Variants in AGMO observed in about 807,000 individuals in gnomAD.
The protein encoded by AGMO is glyceryl-ether monooxygenase.
Under a neutral mutation model 60.2 loss-of-function variants are expected in AGMO, and 75 were observed. The observed-to-expected ratio is 1.25, with a 90% CI of 1.03 to 1.51. AGMO has a LOEUF of 1.51. Ranked by LOEUF, AGMO falls within the 40% of genes most tolerant of loss-of-function variation. AGMO has a pLI of 0.00. For synonymous variants in AGMO, 261 were observed against 177.1 expected, an observed-to-expected ratio of 1.47 and a Z score of -3.76; for missense variants, 763 against 525.5, an observed-to-expected ratio of 1.45 and a Z score of -4.42.
the AGMO span, among the ~76,000 whole-genome samples, chr7:15,135,622 C>T: frequency 6.6e-6 from 1 of 152,000 alleles, no homozygotes; most frequent in Non-Finnish European, 1.5e-5. Flanking sequence ...ATAATAAAAA[C>T]TTAGGATAAG....
At chr7:15,136,104 C>G in the AGMO span, among the ~76,000 whole-genome samples, 6 of 151,078 alleles carry the variant, frequency 4.0e-5, no homozygotes, top group Admixed American at 4.0e-4. Context: ...AGCGATTCTC[C>G]TGCCTCAGCC....
intron 12 of AGMO, among the ~76,000 whole-genome samples, chr7:15,211,944 T>C (rs1376752622): frequency 2.0e-5 from 3 of 151,994 alleles, no homozygotes; most frequent in Non-Finnish European, 2.9e-5. Flanking sequence ...AATGCCATGA[T>C]ACATTTTTGG....
Position 15,201,353 on chromosome 7 carries a change from A to G in AGMO, c.1270T>C (p.Phe424Leu), listed in dbSNP as rs1441983324. The change falls in exon 13 of 13, where the codon TTT (phenylalanine) becomes CTT (leucine). Residue 424 changes from phenylalanine to leucine, a missense_variant. By Grantham distance (22) the Phe-to-Leu change is conservative. Coordinates refer to ENST00000342526, the MANE Select transcript of AGMO (RefSeq NM_001004320.2). Reference sequence around the variant, plus strand: ...CCCCAGAAAGCAATGCAAATGGAAAAAACAATCTGAAGAAATAAAACACAA... The same window carrying G: ...CCCCAGAAAGCAATGCAAATGGAAAGAACAATCTGAAGAAATAAAACACAA... ...PSLSSAFEIVFSICIAFWGVR... is the reference protein window; with the variant it reads ...PSLSSAFEIVLSICIAFWGVR... The G allele has an allele frequency of 6.2e-7, 1 of 1,611,512 alleles. No homozygotes were observed. The highest frequency in any genetic ancestry group is 8.5e-7 in the Non-Finnish European group (1 of 1,178,586).
chr7:15,275,584 A>C (rs1041902790), intron 12 of AGMO, among the ~76,000 whole-genome samples: 1 of 152,076 alleles, frequency 6.6e-6, no homozygotes, highest in African/African-American at 2.4e-5. Context: ...GTCCCCTTTA[A>C]GGTTATAATT....
At chr7:15,203,514 T>G (rs181086572) in intron 12 of AGMO, among the ~76,000 whole-genome samples, 1 of 152,174 alleles carries the variant, frequency 6.6e-6, no homozygotes, top group Non-Finnish European at 1.5e-5. Context: ...TTTGTTTTTT[T>G]TTTTGCTTGC....
intron 3 of AGMO, among the ~76,000 whole-genome samples, chr7:15,485,949 A>C (rs1782910098): frequency 6.6e-6 from 1 of 152,108 alleles, no homozygotes; most frequent in African/African-American, 2.4e-5. Flanking sequence ...ATTCAAGTGA[A>C]GTTCAATTAT....
chr7:15,544,018 TA>T (rs1467597551), intron 3 of AGMO, among the ~76,000 whole-genome samples: 2 of 151,990 alleles, frequency 1.3e-5, no homozygotes, highest in Non-Finnish European at 2.9e-5. Context: ...GGTATATATT[TA>T]GCATGGAATA....
chr7:15,213,735 T>C (rs1220276084), intron 12 of AGMO, among the ~76,000 whole-genome samples: 1 of 151,912 alleles, frequency 6.6e-6, no homozygotes, highest in Non-Finnish European at 1.5e-5. Flanking sequence ...CTTCCCAAAA[T>C]TTTACAAAGT....
chr7:15,203,497 CT>C (rs1270640833), intron 12 of AGMO, among the ~76,000 whole-genome samples: 10 of 147,920 alleles, frequency 6.8e-5, no homozygotes, highest in South Asian at 4.3e-4. Flanking sequence ...TTTTTCTTTT[CT>C]TTTTTTTTGT....
intron 12 of AGMO, among the ~76,000 whole-genome samples, chr7:15,323,626 C>T (rs764293751): frequency 2.6e-5 from 4 of 152,080 alleles, no homozygotes; most frequent in African/African-American, 4.8e-5. Context: ...GAAAATAACG[C>T]GCTGATTCTC....
intron 1 of AGMO, among the ~76,000 whole-genome samples, 177 bp downstream of exon 1, chr7:15,561,543 G>C (rs1785307285): frequency 6.6e-6 from 1 of 152,158 alleles, no homozygotes; most frequent in Non-Finnish European, 1.5e-5. Flanking sequence ...GCTATGGATT[G>C]TAAGAAAATT....
chr7:15,202,489 A>AAAAAAAAAAAAAAAAAAAAAAAAAAAC (rs1277846759), intron 12 of AGMO, among the ~76,000 whole-genome samples: 1 of 132,054 alleles, frequency 7.6e-6, no homozygotes, highest in African/African-American at 2.9e-5. Context: ...AAAAAAAAAA[A>AAAAAAAAAAAAAAAAAAAAAAAAAAAC]CCCTCCCAAA....
the AGMO span, among the ~76,000 whole-genome samples, chr7:15,117,557 A>T: frequency 6.6e-6 from 1 of 151,970 alleles, no homozygotes; most frequent in African/African-American, 2.4e-5. Context: ...GTTGAAAAAA[A>T]TTACCTACTG....
intron 12 of AGMO, among the ~76,000 whole-genome samples, chr7:15,244,167 T>A (rs2128503963): frequency 7.1e-6 from 1 of 140,832 alleles, no homozygotes; most frequent in South Asian, 2.3e-4. Context: ...ATATATAATT[T>A]AAATTTGTAC....
At chr7:15,177,116 TA>T in the AGMO span, among the ~76,000 whole-genome samples, 1,962 of 152,052 alleles carry the variant, frequency 0.013, 36 homozygotes, top group African/African-American at 0.042. Context: ...AAACATGATT[TA>T]AAAACATTTT....
chr7:15,398,299 T>C (rs1274507128), intron 5 of AGMO, among the ~76,000 whole-genome samples: 1 of 152,166 alleles, frequency 6.6e-6, no homozygotes, highest in Non-Finnish European at 1.5e-5. Flanking sequence ...AAGCTCTTTA[T>C]TGCGGTGAAA....
chr7:15,515,563 A>C (rs1256240199), intron 3 of AGMO, among the ~76,000 whole-genome samples: 1 of 152,264 alleles, frequency 6.6e-6, no homozygotes, highest in African/African-American at 2.4e-5. Context: ...TGTGGAACAT[A>C]AAAGACAATT....
intron 3 of AGMO, among the ~76,000 whole-genome samples, chr7:15,530,642 ATATATATATT>A: frequency 4.4e-5 from 6 of 136,538 alleles, no homozygotes; most frequent in African/African-American, 1.3e-4. Flanking sequence ...ACGTATTTCT[ATATATATATT>A]CTATATACGT....
intron 3 of AGMO, among the ~76,000 whole-genome samples, chr7:15,504,731 G>A (rs1305467849): frequency 2.0e-5 from 3 of 149,842 alleles, no homozygotes; most frequent in Non-Finnish European, 3.0e-5. Context: ...TCCAGACAGG[G>A]TTAAAAAAAA....
Sources: gnomAD v4.1 joint callset for allele counts (sites outside exome capture counted in the v4.1 genomes callset) on GRCh38, gnomAD v4.1.1 for gene constraint, MANE v1.5 for transcripts, NCBI Gene and HGNC (gene_info 2026-07-23, HGNC 2026-07-21) for gene names.